The following ZNF217 variants were observed in gnomAD, a reference collection of about 807,000 sequenced individuals.
The protein encoded by ZNF217 is zinc finger protein 217.
ZNF217 carries 12 observed loss-of-function variants against 73.3 expected under a neutral mutation model. The observed-to-expected ratio is 0.16, with a 90% CI of 0.10 to 0.27. The LOEUF (loss-of-function observed/expected upper bound fraction) is 0.27. Among genes scored for constraint, ZNF217 ranks in the 10% least tolerant of loss-of-function variants. The probability of loss-of-function intolerance (pLI) is 1.00; values close to 1 mark genes in which losing one functional copy is unlikely to be tolerated. For missense variants in ZNF217, 1,195 were observed against 1,327.8 expected (o/e 0.90, Z 1.55); for synonymous variants, 588 against 516.4 (o/e 1.14, Z -1.88).
chr20:53,567,521 C>CCT lies in ZNF217; in HGVS notation c.*1765_*1766dup, dbSNP rs1158211379. On this transcript the variant is annotated 3_prime_UTR_variant, in exon 6 of 6. Coordinates refer to ENST00000371471, the MANE Select transcript of ZNF217 (RefSeq NM_006526.3). ...TCCAGCCCTCTATTATCACATACCCCCTTTAAGATTTATGGTTCTAGTCAC... is the reference window on the plus strand; with the variant it reads ...TCCAGCCCTCTATTATCACATACCCCCTCTTTAAGATTTATGGTTCTAGTCAC... The CCT allele has an allele frequency of 2.0e-5, 3 of 152,498 alleles. No individual in the cohort carries two copies. Among genetic ancestry groups the CCT allele is most frequent in the Non-Finnish European group, 2.9e-5 (2 of 68,016 alleles). The allele number at this position is 152,498 out of a possible 1,614,324, so 9.4% of individuals were successfully genotyped here. A position where few individuals can be genotyped will look rare whatever the true frequency, so the allele number is the denominator to read the frequency against.
intron 2 of ZNF217, among the ~76,000 whole-genome samples, chr20:53,578,712 T>C (rs1262779900): frequency 6.6e-6 from 1 of 152,226 alleles, no homozygotes; most frequent in Non-Finnish European, 1.5e-5. Context: ...AGTTCTTCGT[T>C]TGCCTTAATC....
upstream of ZNF217, among the ~76,000 whole-genome samples, chr20:53,594,697 C>T (rs1168533103): frequency 6.6e-6 from 1 of 152,060 alleles, no homozygotes; most frequent in Non-Finnish European, 1.5e-5. Context: ...GTCCCCGCCG[C>T]CCCCTCCTCT....
intron 1 of ZNF217, among the ~76,000 whole-genome samples, chr20:53,584,216 T>C (rs1297159416): frequency 6.6e-6 from 1 of 152,238 alleles, no homozygotes; most frequent in African/African-American, 2.4e-5. Context: ...CCCAACTACT[T>C]AAAACTTAAG....
chr20:53,583,722 T>C (rs530178396), intron 1 of ZNF217, among the ~76,000 whole-genome samples: 1,720 of 152,278 alleles, frequency 0.011, 31 homozygotes, highest in African/African-American at 0.039. Context: ...AGCACAGAAA[T>C]ACAGAAACTT....
chr20:53,592,352 C>A (rs1988905424), intron 1 of ZNF217, among the ~76,000 whole-genome samples: 2 of 151,848 alleles, frequency 1.3e-5, no homozygotes, highest in Non-Finnish European at 1.5e-5. Flanking sequence ...TACACCAAAG[C>A]CTTAAACCTG....
At chr20:53,569,386 T>G (rs1460786818) in intron 5 of ZNF217, 122 bp from the exon 6 acceptor site, 1 of 671,268 alleles carries the variant, frequency 1.5e-6, no homozygotes, top group African/African-American at 2.4e-5. Context: ...TGGGTTCTAT[T>G]TGTTGTTGTT....
At chr20:53,575,011 C>G (rs1022779718) in intron 4 of ZNF217, 2 of 152,108 alleles carry the variant, frequency 1.3e-5, no homozygotes, top group Admixed American at 1.3e-4. Context: ...TTTCCATGAT[C>G]ACTCTCACAA....
chr20:53,576,583 C>T lies in ZNF217; in HGVS notation c.2181G>A (p.Met727Ile), dbSNP rs370724501. 3.1e-5 allele frequency: 50 copies of T among 1,614,102 alleles called. No homozygotes were observed. In the East Asian group the frequency reaches 5.6e-4, roughly 18 times the overall value. The stretch of plus-strand genomic sequence containing the variant: ...TGTATTTATGCTCCAGTCTCTGGTG[C>T]ATCATTAAAACTTCTGGATAAAATG... ...FKTFYPEVLM[M>I]HQRLEHKYNP... is the part of the protein sequence containing the mutation. The change falls in exon 4 of 6, where the codon ATG becomes ATA. Residue 727 changes from methionine (M) to isoleucine (I), a missense_variant. Coordinates refer to ENST00000371471, the MANE Select transcript of ZNF217 (RefSeq NM_006526.3).
chr20:53,582,975 C>G lies in ZNF217; in HGVS notation c.-149G>C. 1 of 792,312 alleles carries G rather than the reference C, an allele frequency of 1.3e-6. No individual in the cohort carries two copies. The highest frequency in any genetic ancestry group is 1.9e-6 in the Non-Finnish European group (1 of 520,872). The allele number at this position is 792,312 out of a possible 1,614,324, so 49.1% of individuals were successfully genotyped here. On this transcript the variant is annotated 5_prime_UTR_variant, in exon 2 of 6. Coordinates refer to ENST00000371471, the MANE Select transcript of ZNF217 (RefSeq NM_006526.3). This position sits in a 1 kb window ranked among gnomAD's most constrained non-coding sequence, Gnocchi z 4.8. ...CAAAAGAAAGTGTATAGTCCTCTAA[C>G]TTCTTCGAACTTTTAGGAAGCTCAG...
upstream of ZNF217, among the ~76,000 whole-genome samples, chr20:53,594,048 C>A (rs1988985983): frequency 6.7e-6 from 1 of 148,322 alleles, no homozygotes; most frequent in Non-Finnish European, 1.5e-5. Context: ...CCCCCCCCAA[C>A]AAAAAAGGAG....
At chr20:53,592,415 T>C (rs4518019) in intron 1 of ZNF217, among the ~76,000 whole-genome samples, 6,645 of 152,140 alleles carry the variant, frequency 0.044, 205 homozygotes, top group Middle Eastern at 0.092. Context: ...AAAAAAAGTT[T>C]CTGGGGCTCT....
At chr20:53,587,573 A>G (rs1454835845) in intron 1 of ZNF217, among the ~76,000 whole-genome samples, 1 of 152,198 alleles carries the variant, frequency 6.6e-6, no homozygotes, top group African/African-American at 2.4e-5. Flanking sequence ...TAAGGTATTC[A>G]AAGTCCTCAA....
At position 53,581,618 on chromosome 20, in the gene ZNF217, G is replaced by T. The variant is rs370879545; in HGVS notation, c.1209C>A (p.Ala403=). Residue 403 remains alanine, a synonymous_variant, in exon 2 of 6, where the codon GCC becomes GCA. Coordinates refer to ENST00000371471, the MANE Select transcript of ZNF217 (RefSeq NM_006526.3). The surrounding 1 kb of genome is among the most constrained non-coding windows in gnomAD (Gnocchi z 4.9). ...CAGACATGGTGGGCGACTCCGCGCC[G>T]GCCCTCCGGTCCTTCTTGTGGACCC... The part of the protein sequence containing the change: ...HSRVHKKDRR[A]GAESPTMSVD... The T allele has an allele frequency of 5.0e-6, 8 of 1,614,056 alleles. No homozygotes were observed. Among genetic ancestry groups the T allele is most frequent in the Non-Finnish European group, 6.8e-6 (8 of 1,180,032 alleles).
At position 53,568,750 on chromosome 20, in the gene ZNF217, T is replaced by TA. The variant is rs76243761; in HGVS notation, c.*537dup. ...ACATAATACAAAATCATTGACAGTT[T>TA]AAAAAAAAAAAAACATACATTTTAA... On this transcript the variant is annotated 3_prime_UTR_variant, in exon 6 of 6. Transcript: ENST00000371471. The TA allele has an allele frequency of 2.4e-3, 336 of 142,658 alleles. 1 individual carries two copies. The highest frequency in any genetic ancestry group is 0.014 in the Middle Eastern group (4 of 278). 8.8% of individuals were successfully genotyped at this position (142,658 alleles called of 1,614,324 possible).
At position 53,582,011 on chromosome 20, in the gene ZNF217, T is replaced by G; in HGVS notation, c.816A>C (p.Arg272Ser). The G allele has an allele frequency of 6.2e-7, 1 of 1,614,176 alleles. No individual in the cohort carries two copies. Among genetic ancestry groups the G allele is most frequent in the Non-Finnish European group, 8.5e-7 (1 of 1,180,034 alleles). The change falls in exon 2 of 6, where the codon AGA becomes AGC. Residue 272 changes from arginine to serine, a missense_variant. By Grantham distance (110) the Arg-to-Ser change is moderately radical. Transcript: ENST00000371471. The surrounding 1 kb of genome is among the most constrained non-coding windows in gnomAD (Gnocchi z 4.8). ...REDFLQLFNLRPKSHPETGKK... is the reference protein window; with the variant it reads ...REDFLQLFNLSPKSHPETGKK... ...TCCCCGTTTCAGGGTGAGATTTTGG[T>G]CTCAAGTTGAACAACTGCAGGAAGT...
chr20:53,588,594 CTATATATATATATA>C (rs61379629), intron 1 of ZNF217, among the ~76,000 whole-genome samples: 2,399 of 148,244 alleles, frequency 0.016, 66 homozygotes, highest in African/African-American at 0.049. Flanking sequence ...ACACATCTAT[CTATATATATATATA>C]TATATATATA....
chr20:53,583,595 CCA>C (rs1988589865), intron 1 of ZNF217, among the ~76,000 whole-genome samples: 1 of 152,288 alleles, frequency 6.6e-6, no homozygotes, highest in South Asian at 2.1e-4. Context: ...TATTTTAAAT[CCA>C]GTGTATACAA....
At chr20:53,587,852 T>C (rs2145973535) in intron 1 of ZNF217, among the ~76,000 whole-genome samples, 2 of 149,634 alleles carry the variant, frequency 1.3e-5, no homozygotes, top group Non-Finnish European at 3.0e-5. Context: ...TGCATAGCCA[T>C]CTACTAACAA....
chr20:53,581,442 C>T lies in ZNF217; in HGVS notation c.1366+19G>A, dbSNP rs368433151. The T allele has an allele frequency of 2.0e-5, 32 of 1,588,570 alleles. No homozygotes were observed. Among genetic ancestry groups the T allele is most frequent in the East Asian group, 1.1e-4 (5 of 44,576 alleles). On this transcript the variant is annotated intron_variant, in intron 2 of 5. Transcript: ENST00000371471. This position sits in a 1 kb window ranked among gnomAD's most constrained non-coding sequence, Gnocchi z 4.9. ...CAGACACAGGCGGAACAGCACGGGA[C>T]GGAGACAGGGCAGCTTACCCAGATG...
Sources: gnomAD v4.1 joint callset for allele counts (sites outside exome capture counted in the v4.1 genomes callset) on GRCh38, gnomAD v4.1.1 for gene constraint, Gnocchi (gnomAD v3.1) non-coding constraint, MANE v1.5 for transcripts, NCBI Gene and HGNC (gene_info 2026-07-23, HGNC 2026-07-21) for gene names.